SLC39A10: variants seen among roughly 807,000 people sequenced by gnomAD.
The protein encoded by SLC39A10 is zinc transporter ZIP10.
SLC39A10 carries 13 observed loss-of-function variants against 65.1 expected under a neutral mutation model. The observed-to-expected ratio is 0.20, with a 90% CI of 0.13 to 0.32. SLC39A10 has a LOEUF of 0.32. Among genes scored for constraint, SLC39A10 ranks in the 10% least tolerant of loss-of-function variants. The pLI is 1.00. For missense variants in SLC39A10, 831 were observed against 1,018.4 expected (o/e 0.82, Z 2.50); for synonymous variants, 321 against 342.2 (o/e 0.94, Z 0.68).
chr2:195,651,822 C>T (rs1258381455), upstream of SLC39A10, among the ~76,000 whole-genome samples: 1 of 152,156 alleles, frequency 6.6e-6, no homozygotes, highest in Non-Finnish European at 1.5e-5. Context: ...TATCCCCACA[C>T]CCCACCACAT....
At chr2:195,654,182 G>A (rs1320154340), upstream of SLC39A10, among the ~76,000 whole-genome samples, 2 of 151,924 alleles carry the variant, frequency 1.3e-5, no homozygotes, top group South Asian at 4.1e-4. Context: ...CAGGTGATCC[G>A]CCCACCTCAG....
intron 1 of SLC39A10, among the ~76,000 whole-genome samples, chr2:195,663,829 G>T (rs1451469694): frequency 4.0e-5 from 6 of 150,280 alleles, no homozygotes; most frequent in African/African-American, 1.5e-4. Flanking sequence ...GATTCAGGGG[G>T]TACATGTACA....
At chr2:195,617,656 A>C (rs989842800) in intron 2 of SLC39A10, among the ~76,000 whole-genome samples, 1 of 151,910 alleles carries the variant, frequency 6.6e-6, no homozygotes, top group African/African-American at 2.4e-5. Context: ...AAATCACTCG[A>C]GCTCAGGAGT....
chr2:195,689,225 C>G (rs1690634231), intron 3 of SLC39A10, among the ~76,000 whole-genome samples: 1 of 152,102 alleles, frequency 6.6e-6, no homozygotes, highest in African/African-American at 2.4e-5. Flanking sequence ...GCCTGGGCAA[C>G]ATAAGGAGAC....
At position 195,680,076 on chromosome 2, in the gene SLC39A10, A is replaced by G. The variant is rs774270604; in HGVS notation, c.34A>G (p.Ile12Val). The change falls in exon 2 of 10, where the codon ATT becomes GTT. Residue 12 changes from isoleucine (I) to valine (V), a missense_variant. This residue lies in a region of SLC39A10 where 446 missense variants were observed against 499.2 expected (regional missense o/e 0.89). Coordinates refer to ENST00000359634, the MANE Select transcript of SLC39A10 (RefSeq NM_020342.3). ...KVHMHTKFCL[I>V]CLLTFIFHHC... ...ACATATGCACACAAAATTTTGCCTCATTTGTTTGCTGACATTTATTTTTCA... is the reference window on the plus strand; with the variant it reads ...ACATATGCACACAAAATTTTGCCTCGTTTGTTTGCTGACATTTATTTTTCA... 3.1e-6 allele frequency: 5 copies of G among 1,603,394 alleles called. No homozygotes were observed. In the South Asian group the frequency reaches 5.7e-5, roughly 18 times the overall value.
chr2:195,666,142 T>G (rs1020025941), intron 1 of SLC39A10, among the ~76,000 whole-genome samples: 3 of 152,216 alleles, frequency 2.0e-5, no homozygotes, highest in Non-Finnish European at 2.9e-5. Flanking sequence ...AGACTCTATG[T>G]TCAAGAATTT....
intron 2 of SLC39A10, among the ~76,000 whole-genome samples, chr2:195,622,540 AC>A (rs1423530925): frequency 6.6e-6 from 1 of 152,246 alleles, no homozygotes; most frequent in African/African-American, 2.4e-5. Flanking sequence ...CAGTTAGATG[AC>A]AACACCAACA....
chr2:195,735,172 C>T lies in SLC39A10; in HGVS notation c.*131C>T. 4 of 940,730 alleles carry T rather than the reference C, an allele frequency of 4.3e-6. No individual in the cohort carries two copies. Among genetic ancestry groups the T allele is most frequent in the Non-Finnish European group, 6.1e-6 (4 of 655,030 alleles). 58.3% of individuals were successfully genotyped at this position (940,730 alleles called of 1,614,324 possible). On this transcript the variant is annotated 3_prime_UTR_variant, in exon 10 of 10. Transcript: ENST00000359634. ...TACTTACAAGTTTCATAGATTTGAG[C>T]CTAACCACAAGAGGCTGGTGCTTAG...
chr2:195,620,419 A>G (rs772568152), intron 2 of SLC39A10, among the ~76,000 whole-genome samples: 58 of 152,230 alleles, frequency 3.8e-4, no homozygotes, highest in Non-Finnish European at 6.8e-4. Context: ...GTTCAGAGAA[A>G]GAGAGGGGAT....
chr2:195,663,817 T>C (rs1559021999), intron 1 of SLC39A10, among the ~76,000 whole-genome samples: 1 of 151,614 alleles, frequency 6.6e-6, no homozygotes, highest in African/African-American at 2.4e-5. Flanking sequence ...ACTTTTATTT[T>C]AGATTCAGGG....
intron 9 of SLC39A10, among the ~76,000 whole-genome samples, chr2:195,731,221 A>G (rs1163586899): frequency 2.6e-5 from 4 of 152,022 alleles, no homozygotes. Flanking sequence ...TAGTTTTCCT[A>G]TCCTTACTTC....
chr2:195,633,879 C>CA (rs1688645025), intron 2 of SLC39A10, among the ~76,000 whole-genome samples: 1 of 152,272 alleles, frequency 6.6e-6, no homozygotes, highest in East Asian at 1.9e-4. Flanking sequence ...GGTGGGAAAA[C>CA]AGAGATATCA....
rs893641120 is a variant in SLC39A10 at position 195,671,103 on chromosome 2, A to G, written c.-11-8929A>G. Among the ~76,000 whole-genome samples the G allele has an allele frequency of 1.2e-4, 19 of 152,350 alleles. 1 individual carries two copies. In the South Asian group the frequency reaches 1.9e-3, roughly 15 times the overall value. ...GCCCAGTCACTCCCCACACCAAAGT[A>G]TAATCACTTCACTACATATTTAGTT... is the stretch of plus-strand genomic sequence containing the variant. On this transcript the variant is annotated intron_variant, in intron 1 of 9. Transcript: ENST00000359634.
At chr2:195,646,706 G>A (rs533540928) in intron 2 of SLC39A10, among the ~76,000 whole-genome samples, 60 of 151,682 alleles carry the variant, frequency 4.0e-4, no homozygotes, top group South Asian at 3.1e-3. Flanking sequence ...GGAGGTGAGC[G>A]GAGGGTGAGC....
At chr2:195,656,094 C>T (rs890073314), upstream of SLC39A10, among the ~76,000 whole-genome samples, 3 of 152,038 alleles carry the variant, frequency 2.0e-5, no homozygotes, top group African/African-American at 4.8e-5. Flanking sequence ...GTCAAGCCTG[C>T]GATTACTGCT....
intron 3 of SLC39A10, among the ~76,000 whole-genome samples, chr2:195,703,349 C>T (rs551485116): frequency 1.3e-5 from 2 of 152,212 alleles, no homozygotes; most frequent in South Asian, 4.2e-4. Context: ...TCAATCAAGG[C>T]AATGTATATA....
chr2:195,616,338 C>T (rs1378483449), intron 2 of SLC39A10, among the ~76,000 whole-genome samples: 2 of 152,012 alleles, frequency 1.3e-5, no homozygotes, highest in Admixed American at 6.6e-5. Context: ...GACAGAGTCT[C>T]ACTCTGTCAC....
At chr2:195,707,366 G>A (rs1300544519) in intron 4 of SLC39A10, among the ~76,000 whole-genome samples, 2 of 152,126 alleles carry the variant, frequency 1.3e-5, no homozygotes, top group Non-Finnish European at 2.9e-5. Context: ...GTAGATAGCT[G>A]TCTATCACCA....
upstream of SLC39A10, among the ~76,000 whole-genome samples, chr2:195,654,895 C>A (rs1437089545): frequency 1.2e-3 from 1 of 806 alleles, no homozygotes; most frequent in Non-Finnish European, 9.1e-3. Context: ...TGCTAGTATG[C>A]AGAGAATCAT....
Sources: gnomAD v4.1 joint callset for allele counts (sites outside exome capture counted in the v4.1 genomes callset) on GRCh38, gnomAD v4.1.1 for gene constraint, gnomAD v4.1.1 regional missense constraint, MANE v1.5 for transcripts, NCBI Gene and HGNC (gene_info 2026-07-23, HGNC 2026-07-21) for gene names.